Variants in GPATCH2 observed in about 807,000 individuals in gnomAD.
The protein encoded by GPATCH2 is G patch domain-containing protein 2.
GPATCH2 carries 51 observed loss-of-function variants against 58.0 expected under a neutral mutation model. The ratio of observed to expected loss-of-function variants is 0.88; its 90% CI spans 0.70 to 1.11. The LOEUF is 1.11. Among genes scored for constraint, GPATCH2 ranks in the 50% most tolerant of loss-of-function variants. The probability of loss-of-function intolerance (pLI) is 0.00; values close to 1 mark genes in which losing one functional copy is unlikely to be tolerated. For missense variants in GPATCH2, 625 were observed against 652.2 expected (o/e 0.96, Z 0.45); for synonymous variants, 222 against 218.5 (o/e 1.02, Z -0.14).
At chr1:217,609,471 T>C (rs1668524837) in intron 5 of GPATCH2, 1 of 981,986 alleles carries the variant, frequency 1.0e-6, no homozygotes, top group African/African-American at 1.7e-5. Context: ...AGACTAGTTA[T>C]CACTGTGGCT....
chr1:217,533,365 C>G (rs1664298037), intron 5 of GPATCH2, among the ~76,000 whole-genome samples: 1 of 152,154 alleles, frequency 6.6e-6, no homozygotes, highest in African/African-American at 2.4e-5. Flanking sequence ...CAAGCACACA[C>G]CTCCTGGAGA....
At chr1:217,606,673 C>T (rs1668376156) in intron 5 of GPATCH2, among the ~76,000 whole-genome samples, 1 of 151,900 alleles carries the variant, frequency 6.6e-6, no homozygotes, top group Non-Finnish European at 1.5e-5. Flanking sequence ...CCTGGGAGGT[C>T]ACGGCTGCAG....
rs1571810185 is a variant in GPATCH2 at position 217,498,276 on chromosome 1, T to A, written c.1206+80A>T. On this transcript the variant is annotated intron_variant, in intron 7 of 9. Coordinates refer to ENST00000366935, the MANE Select transcript of GPATCH2 (RefSeq NM_018040.5). ...GGATTTGTATTTTTTCTCATAAAGCTGATCTACTCTCCTGAAGGGAGACAG... is the reference window on the plus strand; with the variant it reads ...GGATTTGTATTTTTTCTCATAAAGCAGATCTACTCTCCTGAAGGGAGACAG... 2.9e-6 allele frequency: 3 copies of A among 1,048,844 alleles called. No homozygotes were observed. The East Asian group carries it at 7.1e-5, about 25-fold the overall frequency. The allele number at this position is 1,048,844 out of a possible 1,614,324, so 65.0% of individuals were successfully genotyped here. A position where few individuals can be genotyped will look rare whatever the true frequency, so the allele number is the denominator to read the frequency against.
At chr1:217,485,643 G>A (rs190095775) in intron 8 of GPATCH2, among the ~76,000 whole-genome samples, 114 of 152,170 alleles carry the variant, frequency 7.5e-4, no homozygotes, top group African/African-American at 2.6e-3. Context: ...TCATATAAAT[G>A]TAGTCAGGCA....
intron 5 of GPATCH2, among the ~76,000 whole-genome samples, chr1:217,579,567 TAA>T (rs768130792): frequency 2.0e-5 from 3 of 152,156 alleles, no homozygotes; most frequent in Non-Finnish European, 2.9e-5. Flanking sequence ...TAAAAATCTT[TAA>T]GAGTTCAAAT....
intron 8 of GPATCH2, among the ~76,000 whole-genome samples, chr1:217,477,009 G>A (rs903268342): frequency 5.3e-5 from 8 of 152,056 alleles, no homozygotes; most frequent in Admixed American, 1.3e-4. Context: ...GAAGAGTGGG[G>A]AGGACTTTGT....
intron 8 of GPATCH2, among the ~76,000 whole-genome samples, chr1:217,474,636 T>C (rs2102507673): frequency 6.6e-6 from 1 of 152,338 alleles, no homozygotes; most frequent in South Asian, 2.1e-4. Context: ...TCAGAGCTTT[T>C]GTGAGGAATG....
chr1:217,621,142 A>G (rs1231398154), intron 1 of GPATCH2, among the ~76,000 whole-genome samples: 9 of 152,246 alleles, frequency 5.9e-5, no homozygotes. Context: ...TTCATTCTGA[A>G]GCAATCTCTT....
intron 6 of GPATCH2, among the ~76,000 whole-genome samples, chr1:217,499,423 G>T (rs1662186652): frequency 6.6e-6 from 1 of 152,226 alleles, no homozygotes; most frequent in Non-Finnish European, 1.5e-5. Flanking sequence ...AAGGGCAAGG[G>T]GCTAGAAAGG....
At chr1:217,565,756 T>TA (rs35012857) in intron 5 of GPATCH2, among the ~76,000 whole-genome samples, 1 of 151,768 alleles carries the variant, frequency 6.6e-6, no homozygotes, top group Non-Finnish European at 1.5e-5. Context: ...AAAACGTATA[T>TA]AAAAAAAAGT....
intron 5 of GPATCH2, among the ~76,000 whole-genome samples, chr1:217,588,603 T>C (rs1194664147): frequency 1.3e-5 from 2 of 152,088 alleles, no homozygotes; most frequent in Admixed American, 6.6e-5. Flanking sequence ...CAAAATGAAA[T>C]AGAGTAAAAA....
At chr1:217,609,948 C>T in intron 5 of GPATCH2, 2 of 1,274,730 alleles carry the variant, frequency 1.6e-6, no homozygotes, top group Non-Finnish European at 2.0e-6. Context: ...CCTGGGCCAA[C>T]CTAAATCCCT....
chr1:217,448,961 T>A (rs1275241864), intron 9 of GPATCH2, among the ~76,000 whole-genome samples: 5 of 152,202 alleles, frequency 3.3e-5, no homozygotes, highest in Admixed American at 3.3e-4. Context: ...CCAACAAGAC[T>A]GTAAATTTAT....
intron 5 of GPATCH2, among the ~76,000 whole-genome samples, chr1:217,549,694 G>A (rs2102665127): frequency 1.3e-5 from 2 of 152,204 alleles, no homozygotes; most frequent in Middle Eastern, 6.9e-3. Context: ...TAAGAACCAT[G>A]TATGAGAAAA....
At chr1:217,558,881 A>C (rs779756154) in intron 5 of GPATCH2, among the ~76,000 whole-genome samples, 43 of 152,232 alleles carry the variant, frequency 2.8e-4, no homozygotes, top group Non-Finnish European at 4.9e-4. Context: ...CCTGACTACT[A>C]CTCCTTTTTG....
intron 1 of GPATCH2, among the ~76,000 whole-genome samples, chr1:217,621,586 A>T (rs1415663500): frequency 6.6e-6 from 1 of 152,248 alleles, no homozygotes; most frequent in Non-Finnish European, 1.5e-5. Context: ...GCCACAAGCA[A>T]TACATAAATA....
intron 5 of GPATCH2, among the ~76,000 whole-genome samples, chr1:217,548,717 T>G (rs1471213779): frequency 2.0e-5 from 3 of 152,140 alleles, no homozygotes; most frequent in Admixed American, 6.5e-5. Flanking sequence ...TCCTCCATAC[T>G]GTTCTCATGA....
chr1:217,488,861 A>ATT (rs34590445), intron 8 of GPATCH2, among the ~76,000 whole-genome samples: 2 of 143,822 alleles, frequency 1.4e-5, no homozygotes, highest in Non-Finnish European at 1.5e-5. Flanking sequence ...ACTATTTAAA[A>ATT]TTTTTTTTTT....
At chr1:217,530,189 T>A (rs2102620205) in intron 5 of GPATCH2, among the ~76,000 whole-genome samples, 1 of 152,274 alleles carries the variant, frequency 6.6e-6, no homozygotes, top group East Asian at 1.9e-4. Context: ...GATTTCATCA[T>A]TTTTTCCCCT....
Sources: gnomAD v4.1 joint callset for allele counts (sites outside exome capture counted in the v4.1 genomes callset) on GRCh38, gnomAD v4.1.1 for gene constraint, MANE v1.5 for transcripts, NCBI Gene and HGNC (gene_info 2026-07-23, HGNC 2026-07-21) for gene names.